Variants in ALDH1A3 observed in about 807,000 individuals in gnomAD.
ALDH1A3 encodes retinaldehyde dehydrogenase 3.
A neutral mutation model predicts 57.5 loss-of-function variants in ALDH1A3; 28 were observed. The observed-to-expected ratio is 0.49, with a 90% CI of 0.36 to 0.67. The LOEUF (loss-of-function observed/expected upper bound fraction) is 0.67. ALDH1A3 is among the 30% of genes least tolerant of loss of function. The pLI is 0.00. For synonymous variants in ALDH1A3, 281 were observed against 264.8 expected (o/e 1.06, Z -0.59); for missense variants, 507 against 669.4 (o/e 0.76, Z 2.68).
chr15:100,897,993 C>T (rs1449208119), intron 7 of ALDH1A3, 90 bp from the exon 8 acceptor site: 7 of 1,289,766 alleles, frequency 5.4e-6, no homozygotes, highest in Admixed American at 3.6e-5. Flanking sequence ...CACTGCCACC[C>T]GGGCTTGATC....
At chr15:100,899,611 G>T (rs1379049582) in intron 8 of ALDH1A3, among the ~76,000 whole-genome samples, 1 of 151,988 alleles carries the variant, frequency 6.6e-6, no homozygotes. Flanking sequence ...CCCTAGCTCC[G>T]TCAGGAGCAG....
In ALDH1A3 at chr15:100,915,099, A is replaced by C. The variant is rs552621069; in HGVS notation, c.*326A>C. The C allele has an allele frequency of 1.4e-5, 4 of 282,600 alleles. No individual in the cohort carries two copies. The East Asian group carries it at 2.8e-4, about 20-fold the overall frequency. 17.5% of individuals were successfully genotyped at this position (282,600 alleles called of 1,614,324 possible). On this transcript the variant is annotated 3_prime_UTR_variant, in exon 13 of 13. Coordinates refer to ENST00000329841, the MANE Select transcript of ALDH1A3 (RefSeq NM_000693.4). ...GGGAGTGGTATTTGAAGTGTCCAGC[A>C]GTTGCTTGAAATGCTTTGCCGAATC...
chr15:100,911,570 C>G (rs2041884192), intron 12 of ALDH1A3, among the ~76,000 whole-genome samples: 1 of 152,238 alleles, frequency 6.6e-6, no homozygotes, highest in African/African-American at 2.4e-5. Flanking sequence ...AGGCATGATG[C>G]TAGGCTCTGA....
At chr15:100,891,137 C>G (rs552850520) in intron 3 of ALDH1A3, among the ~76,000 whole-genome samples, 1 of 152,312 alleles carries the variant, frequency 6.6e-6, no homozygotes, top group African/African-American at 2.4e-5. Context: ...ATGTGAACAC[C>G]AATCCAGCAC....
In ALDH1A3 at chr15:100,914,988, G is replaced by A; in HGVS notation, c.*215G>A. On this transcript the variant is annotated 3_prime_UTR_variant, in exon 13 of 13. Coordinates refer to ENST00000329841, the MANE Select transcript of ALDH1A3 (RefSeq NM_000693.4). ...AGGTTGTCTGTGAAATCGCAGTCCTGCCTGGGGAGGGAGCTGTTGGCCATT... is the reference window on the plus strand; with the variant it reads ...AGGTTGTCTGTGAAATCGCAGTCCTACCTGGGGAGGGAGCTGTTGGCCATT... The A allele has an allele frequency of 1.8e-6, 1 of 558,516 alleles. No individual in the cohort carries two copies. Among genetic ancestry groups the A allele is most frequent in the South Asian group, 2.2e-5 (1 of 45,542 alleles). The allele number at this position is 558,516 out of a possible 1,614,324, so 34.6% of individuals were successfully genotyped here.
chr15:100,895,878 A>G, intron 6 of ALDH1A3, 55 bp from the exon 7 acceptor site: 2 of 1,461,096 alleles, frequency 1.4e-6, no homozygotes, highest in Non-Finnish European at 1.9e-6. Flanking sequence ...CCAAATGTGG[A>G]TCCGTGGTGG....
Position 100,893,042 on chromosome 15 carries a change from A to G in ALDH1A3, c.537+36A>G, listed in dbSNP as rs778994919. 1.3e-6 allele frequency: 2 copies of G among 1,584,380 alleles called. No homozygotes were observed. Among genetic ancestry groups the G allele is most frequent in the South Asian group, 1.1e-5 (1 of 89,936 alleles). On this transcript the variant is annotated intron_variant, in intron 5 of 12. Coordinates refer to ENST00000329841, the MANE Select transcript of ALDH1A3 (RefSeq NM_000693.4). The surrounding 1 kb of genome is among the most constrained non-coding windows in gnomAD (Gnocchi z 4.8). ...CAGCCTTTCTCAGTAGATTCTATGT[A>G]GATCCTGCCCCACTGCCCTGTGTCC... is the stretch of plus-strand genomic sequence containing the variant.
intron 8 of ALDH1A3, among the ~76,000 whole-genome samples, chr15:100,899,148 T>C (rs4646671): frequency 0.65 from 99,364 of 152,090 alleles, 32,683 homozygotes; most frequent in South Asian, 0.73. Context: ...AGGAGGAGGA[T>C]ACAGGCTCTC....
chr15:100,899,314 A>G (rs747943876), intron 8 of ALDH1A3, among the ~76,000 whole-genome samples: 1 of 152,198 alleles, frequency 6.6e-6, no homozygotes, highest in Non-Finnish European at 1.5e-5. Flanking sequence ...TGGAGTCCCA[A>G]ACAGCCAGGA....
At position 100,893,898 on chromosome 15, in the gene ALDH1A3, T is replaced by G; in HGVS notation, c.538-56T>G. ...CTCCACAAAGGCATCGTTGAGCACA[T>G]GGGACAGGGTAAGAGGGTGGATCTG... is the stretch of plus-strand genomic sequence containing the variant. On this transcript the variant is annotated intron_variant, in intron 5 of 12. Transcript: ENST00000329841. The surrounding 1 kb of genome is among the most constrained non-coding windows in gnomAD (Gnocchi z 4.8). The G allele has an allele frequency of 6.3e-7, 1 of 1,580,626 alleles. No individual in the cohort carries two copies. Among genetic ancestry groups the G allele is most frequent in the South Asian group, 1.2e-5 (1 of 85,830 alleles).
At chr15:100,909,611 A>G (rs946106819) in intron 12 of ALDH1A3, among the ~76,000 whole-genome samples, 2 of 150,986 alleles carry the variant, frequency 1.3e-5, no homozygotes, top group Non-Finnish European at 3.0e-5. Flanking sequence ...AAACCCCTCC[A>G]CTGTGTGTGC....
intron 9 of ALDH1A3, 96 bp from the exon 10 acceptor site, chr15:100,905,427 G>A (rs2041812544): frequency 6.9e-7 from 1 of 1,445,410 alleles, no homozygotes; most frequent in African/African-American, 1.4e-5. Flanking sequence ...CATGCAGAGG[G>A]AGGATGGCTG....
chr15:100,903,844 G>A (rs143258844), intron 9 of ALDH1A3, among the ~76,000 whole-genome samples: 2 of 152,182 alleles, frequency 1.3e-5, no homozygotes, highest in Non-Finnish European at 2.9e-5. Context: ...CTTGCAAGCT[G>A]TTAGGCATTT....
chr15:100,888,903 C>T (rs908424399), intron 3 of ALDH1A3: 7 of 152,178 alleles, frequency 4.6e-5, no homozygotes, highest in Admixed American at 6.5e-5. Flanking sequence ...ATTTTCTAAC[C>T]TCACCTACAT....
At chr15:100,882,265 A>T (rs904081761) in intron 1 of ALDH1A3, among the ~76,000 whole-genome samples, 1 of 152,170 alleles carries the variant, frequency 6.6e-6, no homozygotes, top group African/African-American at 2.4e-5. Context: ...TTGTCCTCAC[A>T]TGTTAACATT....
intron 10 of ALDH1A3, 52 bp from the exon 11 acceptor site, chr15:100,907,069 T>C: frequency 6.3e-7 from 1 of 1,580,670 alleles, no homozygotes; most frequent in Admixed American, 1.7e-5. Flanking sequence ...GTTCACAGCA[T>C]GCATTTCCAT....
chr15:100,883,004 A>G (rs2041560641), intron 1 of ALDH1A3, among the ~76,000 whole-genome samples: 1 of 152,192 alleles, frequency 6.6e-6, no homozygotes, highest in South Asian at 2.1e-4. Context: ...ATTTTTTTTT[A>G]AGGTTGCTGG....
In ALDH1A3 at chr15:100,898,063, A is replaced by G; in HGVS notation, c.781-20A>G. On this transcript the variant is annotated intron_variant, in intron 7 of 12. Coordinates refer to ENST00000329841, the MANE Select transcript of ALDH1A3 (RefSeq NM_000693.4). The stretch of plus-strand genomic sequence containing the variant: ...TCAGCAACATCCAAGGTAAATTGTG[A>G]TCTGTGTTCTGTCCTGGAGGTTGGA... 6.2e-7 allele frequency: 1 copy of G among 1,607,842 alleles called. No individual in the cohort carries two copies. Among genetic ancestry groups the G allele is most frequent in the Non-Finnish European group, 8.5e-7 (1 of 1,174,618 alleles).
intron 8 of ALDH1A3, 133 bp downstream of exon 8, chr15:100,898,318 G>T (rs2041730887): frequency 4.3e-6 from 3 of 703,582 alleles, no homozygotes; most frequent in Non-Finnish European, 6.8e-6. Flanking sequence ...TCCACCGTGG[G>T]CATCCTGCCC....
Sources: gnomAD v4.1 joint callset for allele counts (sites outside exome capture counted in the v4.1 genomes callset) on GRCh38, gnomAD v4.1.1 for gene constraint, Gnocchi (gnomAD v3.1) non-coding constraint, MANE v1.5 for transcripts, NCBI Gene and HGNC (gene_info 2026-07-23, HGNC 2026-07-21) for gene names.